The following PTPRG variants were observed in gnomAD, a reference collection of about 807,000 sequenced individuals.
PTPRG encodes the protein protein tyrosine phosphatase receptor type G.
A neutral mutation model predicts 165.3 loss-of-function variants in PTPRG; 102 were observed. The observed-to-expected ratio is 0.62, with a 90% CI of 0.53 to 0.73. The LOEUF is 0.73. Ranked by LOEUF, PTPRG falls within the 30% of genes least tolerant of loss-of-function variation. The probability of loss-of-function intolerance (pLI) is 0.00; values close to 1 mark genes in which losing one functional copy is unlikely to be tolerated. For missense variants in PTPRG, 1,866 were observed against 1,861.4 expected (o/e 1.00, Z -0.05); for synonymous variants, 675 against 669.5 (o/e 1.01, Z -0.13).
chr3:61,670,085 C>T (rs1008038941), intron 1 of PTPRG, among the ~76,000 whole-genome samples: 2 of 152,180 alleles, frequency 1.3e-5, no homozygotes, highest in Non-Finnish European at 2.9e-5. Flanking sequence ...TAAATATCTG[C>T]TTCACACATA....
At chr3:61,697,096 C>T (rs2030647186) in intron 1 of PTPRG, among the ~76,000 whole-genome samples, 1 of 152,158 alleles carries the variant, frequency 6.6e-6, no homozygotes, top group Non-Finnish European at 1.5e-5. Flanking sequence ...GACCCTTCTC[C>T]CCTGAGGCAG....
intron 4 of PTPRG, among the ~76,000 whole-genome samples, chr3:62,033,530 TCC>T (rs147045221): frequency 3.7e-5 from 5 of 134,180 alleles, no homozygotes; most frequent in South Asian, 5.2e-4. Flanking sequence ...ATGCCTATCT[TCC>T]CCCCCCCACC....
chr3:61,935,320 C>T (rs748567871), intron 2 of PTPRG, among the ~76,000 whole-genome samples: 9 of 152,290 alleles, frequency 5.9e-5, no homozygotes, highest in Non-Finnish European at 1.2e-4. Flanking sequence ...AGAATACGTC[C>T]TGCTTCGTGT....
intron 2 of PTPRG, among the ~76,000 whole-genome samples, chr3:61,890,412 G>GTTTTT (rs1388100597): frequency 0.025 from 2,374 of 94,646 alleles, 107 homozygotes; most frequent in African/African-American, 0.04. Context: ...CTTGTTCTTT[G>GTTTTT]TTTTTTTTTT....
intron 2 of PTPRG, among the ~76,000 whole-genome samples, chr3:61,962,783 A>G (rs1357799348): frequency 6.6e-6 from 1 of 152,080 alleles, no homozygotes; most frequent in Non-Finnish European, 1.5e-5. Context: ...CACCAAAGAG[A>G]GCTGTTTAGA....
chr3:61,987,966 G>A (rs533906366), intron 2 of PTPRG, among the ~76,000 whole-genome samples: 4 of 152,266 alleles, frequency 2.6e-5, no homozygotes, highest in African/African-American at 9.6e-5. Context: ...CACAGTCATA[G>A]GGAATTTGAC....
chr3:61,562,414 G>C (rs1473048792), intron 1 of PTPRG, 42 bp downstream of exon 1: 1 of 1,594,578 alleles, frequency 6.3e-7, no homozygotes, highest in African/African-American at 1.3e-5. Context: ...CGGCCGGCGC[G>C]CGTTGGGGAT....
At chr3:61,949,416 T>A (rs911696274) in intron 2 of PTPRG, among the ~76,000 whole-genome samples, 5 of 152,142 alleles carry the variant, frequency 3.3e-5, no homozygotes, top group Non-Finnish European at 7.4e-5. Flanking sequence ...CAAAAATTAA[T>A]TATGTAGAGG....
intron 4 of PTPRG, among the ~76,000 whole-genome samples, chr3:62,040,854 G>T (rs1465051611): frequency 6.6e-6 from 1 of 152,190 alleles, no homozygotes; most frequent in Non-Finnish European, 1.5e-5. Flanking sequence ...TTTGAGCCTG[G>T]GTGTGGCCTC....
intron 8 of PTPRG, among the ~76,000 whole-genome samples, chr3:62,171,294 G>A (rs974212787): frequency 5.9e-5 from 9 of 152,158 alleles, no homozygotes; most frequent in African/African-American, 2.2e-4. Flanking sequence ...CAGCATCCTA[G>A]AGTACACATA....
intron 13 of PTPRG, among the ~76,000 whole-genome samples, chr3:62,223,025 G>C (rs2106898511): frequency 6.6e-6 from 1 of 152,268 alleles, no homozygotes; most frequent in East Asian, 1.9e-4. Flanking sequence ...ACCACAACCA[G>C]CTGTCAGCCA....
chr3:61,867,390 G>T (rs2037441512), intron 2 of PTPRG, among the ~76,000 whole-genome samples: 1 of 152,144 alleles, frequency 6.6e-6, no homozygotes, highest in African/African-American at 2.4e-5. Flanking sequence ...AGTGTAAGAG[G>T]CTATGTGTGT....
At chr3:62,005,643 C>T (rs934992050) in intron 4 of PTPRG, among the ~76,000 whole-genome samples, 2 of 149,686 alleles carry the variant, frequency 1.3e-5, no homozygotes, top group African/African-American at 4.9e-5. Flanking sequence ...GGCCAGTTTC[C>T]TCTTTACATT....
intron 5 of PTPRG, among the ~76,000 whole-genome samples, chr3:62,121,409 A>T (rs1703067122): frequency 6.6e-6 from 1 of 152,154 alleles, no homozygotes. Context: ...ACATATGAGG[A>T]AATTGAGGCA....
At chr3:62,189,731 T>C (rs368655021) in intron 8 of PTPRG, among the ~76,000 whole-genome samples, 1 of 152,072 alleles carries the variant, frequency 6.6e-6, no homozygotes, top group African/African-American at 2.4e-5. Context: ...CCTTCTACAC[T>C]CAGCTGAAGT....
intron 1 of PTPRG, among the ~76,000 whole-genome samples, chr3:61,667,602 G>A (rs938593218): frequency 1.3e-5 from 2 of 151,992 alleles, no homozygotes; most frequent in Admixed American, 6.6e-5. Flanking sequence ...TTTTGTACAC[G>A]AGGAAACTAA....
intron 2 of PTPRG, among the ~76,000 whole-genome samples, chr3:61,824,800 T>A (rs1185305416): frequency 6.6e-6 from 1 of 152,170 alleles, no homozygotes; most frequent in Non-Finnish European, 1.5e-5. Context: ...CAAAACAAAC[T>A]GTGATTTCTC....
intron 4 of PTPRG, among the ~76,000 whole-genome samples, chr3:62,047,487 C>G (rs576689293): frequency 6.6e-6 from 1 of 151,976 alleles, no homozygotes; most frequent in Non-Finnish European, 1.5e-5. Context: ...GTGTCGATCT[C>G]CTGACCTCAG....
chr3:62,084,011 T>G (rs1429699070), intron 5 of PTPRG, among the ~76,000 whole-genome samples: 1 of 152,206 alleles, frequency 6.6e-6, no homozygotes, highest in African/African-American at 2.4e-5. Context: ...GAAATTTCAT[T>G]TATATTTCAT....
Sources: gnomAD v4.1 joint callset for allele counts (sites outside exome capture counted in the v4.1 genomes callset) on GRCh38, gnomAD v4.1.1 for gene constraint, MANE v1.5 for transcripts, NCBI Gene and HGNC (gene_info 2026-07-23, HGNC 2026-07-21) for gene names.